HSD17B2: variants seen among roughly 807,000 people sequenced by gnomAD.
The protein encoded by HSD17B2 is hydroxysteroid 17-beta dehydrogenase 2.
In HSD17B2, 32 loss-of-function variants were observed where a neutral mutation model predicts 26.9. The observed-to-expected ratio is 1.19, with a 90% CI of 0.90 to 1.60. The LOEUF (loss-of-function observed/expected upper bound fraction) is 1.60. Ranked by LOEUF, HSD17B2 falls within the 40% of genes most tolerant of loss-of-function variation. The pLI, the probability that HSD17B2 is intolerant of heterozygous loss-of-function variation, is 0.00. For missense variants in HSD17B2, 613 were observed against 468.6 expected (o/e 1.31, Z -2.85); for synonymous variants, 246 against 186.7 (o/e 1.32, Z -2.59).
intron 1 of HSD17B2, among the ~76,000 whole-genome samples, chr16:82,060,158 A>T (rs528118258): frequency 9.2e-5 from 14 of 152,332 alleles, no homozygotes; most frequent in African/African-American, 2.9e-4. Flanking sequence ...CAATGTCAAC[A>T]TGAGGGTGGC....
At chr16:82,070,402 A>G (rs752925556) in intron 2 of HSD17B2, among the ~76,000 whole-genome samples, 20 of 152,268 alleles carry the variant, frequency 1.3e-4, no homozygotes, top group Non-Finnish European at 1.9e-4. Flanking sequence ...GGCTATCCCA[A>G]TGCCCTCCTT....
chr16:82,046,325 G>A (rs569366083), intron 1 of HSD17B2, among the ~76,000 whole-genome samples: 2 of 152,114 alleles, frequency 1.3e-5, no homozygotes, highest in Non-Finnish European at 2.9e-5. Context: ...GTGCTGTTGA[G>A]AGCCACCTTG....
chr16:82,044,716 A>T (rs1270962611), intron 1 of HSD17B2: 2 of 152,360 alleles, frequency 1.3e-5, no homozygotes, highest in Non-Finnish European at 2.9e-5. Context: ...GGAGGAGGGT[A>T]GAGGAGCCAG....
intron 3 of HSD17B2, among the ~76,000 whole-genome samples, chr16:82,086,411 A>C (rs977640671): frequency 2.0e-5 from 3 of 152,198 alleles, no homozygotes; most frequent in African/African-American, 7.2e-5. Flanking sequence ...TGTAAGCTTC[A>C]GAATGGTAAC....
chr16:82,035,721 G>C (rs762822314), intron 1 of HSD17B2, 32 bp downstream of exon 1: 1 of 1,600,724 alleles, frequency 6.2e-7, no homozygotes, highest in South Asian at 1.1e-5. Flanking sequence ...TTTCACTGAG[G>C]GTATGATCTG....
At chr16:82,091,599 T>C (rs1326695865) in intron 4 of HSD17B2, 1 of 158,396 alleles carries the variant, frequency 6.3e-6, no homozygotes, top group Non-Finnish European at 1.4e-5. Context: ...AGTAAAATTT[T>C]CTGGCAAGGT....
At chr16:82,054,333 C>T (rs1247510819) in intron 1 of HSD17B2, among the ~76,000 whole-genome samples, 1 of 152,010 alleles carries the variant, frequency 6.6e-6, no homozygotes, top group East Asian at 1.9e-4. Flanking sequence ...TAGACTGCCC[C>T]ATTCTTTTTA....
At chr16:82,085,557 T>C (rs927564683) in intron 3 of HSD17B2, among the ~76,000 whole-genome samples, 2 of 152,008 alleles carry the variant, frequency 1.3e-5, no homozygotes, top group African/African-American at 4.8e-5. Context: ...AGCAAGAACA[T>C]GTCAGACAAG....
At chr16:82,046,910 G>T (rs1913947707) in intron 1 of HSD17B2, among the ~76,000 whole-genome samples, 2 of 152,176 alleles carry the variant, frequency 1.3e-5, no homozygotes, top group Admixed American at 6.5e-5. Context: ...AGGTCTTTTA[G>T]CTCAAGAAGA....
intron 3 of HSD17B2, among the ~76,000 whole-genome samples, chr16:82,082,013 C>T (rs1904394775): frequency 6.6e-6 from 1 of 152,198 alleles, no homozygotes; most frequent in South Asian, 2.1e-4. Context: ...CCAAATACCA[C>T]ATGTCCTCAC....
chr16:82,098,512 T>A lies in HSD17B2; in HGVS notation c.*76T>A, dbSNP rs1346949343. 2.8e-6 allele frequency: 4 copies of A among 1,450,250 alleles called. No individual in the cohort carries two copies. The highest frequency in any genetic ancestry group is 2.8e-6 in the Non-Finnish European group (3 of 1,082,798). The allele number at this position is 1,450,250 out of a possible 1,614,324, so 89.8% of individuals were successfully genotyped here. On this transcript the variant is annotated 3_prime_UTR_variant, in exon 5 of 5. Coordinates refer to ENST00000199936, the MANE Select transcript of HSD17B2 (RefSeq NM_002153.3). The stretch of plus-strand genomic sequence containing the variant: ...GGAAACTGGGAAACTGGGTTTCTCA[T>A]TAAAGTTGTTTCCCACTCTGTATTC...
intron 3 of HSD17B2, among the ~76,000 whole-genome samples, chr16:82,073,627 T>A (rs1914748330): frequency 6.6e-6 from 1 of 152,038 alleles, no homozygotes; most frequent in Admixed American, 6.6e-5. Context: ...CCAGAATGCC[T>A]AGGAATACAG....
intron 3 of HSD17B2, among the ~76,000 whole-genome samples, chr16:82,084,097 G>C (rs1379198899): frequency 6.6e-6 from 1 of 152,088 alleles, no homozygotes; most frequent in African/African-American, 2.4e-5. Flanking sequence ...TGTCATTGTG[G>C]CTTAAATCTT....
intron 1 of HSD17B2, among the ~76,000 whole-genome samples, chr16:82,040,944 A>G (rs1236092753): frequency 1.3e-5 from 2 of 152,244 alleles, no homozygotes; most frequent in East Asian, 1.9e-4. Context: ...TGAGTCTATA[A>G]TTCAGTCTAC....
chr16:82,067,038 A>G (rs1386537054), intron 1 of HSD17B2, among the ~76,000 whole-genome samples: 1 of 152,238 alleles, frequency 6.6e-6, no homozygotes, highest in Non-Finnish European at 1.5e-5. Flanking sequence ...AGTCCTGCAC[A>G]TGTTTATCAA....
chr16:82,096,652 T>C (rs1337089595), intron 4 of HSD17B2: 1 of 152,082 alleles, frequency 6.6e-6, no homozygotes, highest in African/African-American at 2.4e-5. Flanking sequence ...TTACATGATA[T>C]ATTATATATG....
intron 3 of HSD17B2, chr16:82,090,208 G>T (rs1360796928): frequency 4.1e-6 from 4 of 974,280 alleles, no homozygotes; most frequent in Non-Finnish European, 4.8e-6. Flanking sequence ...CCCACAAAAA[G>T]ATATGTTTAC....
Position 82,045,310 on chromosome 16 carries a change from C to A in HSD17B2, c.265+9621C>A, listed in dbSNP as rs547192462. 6.6e-5 allele frequency among the ~76,000 whole-genome samples: 10 copies of A among 152,026 alleles called. No individual in the cohort carries two copies. In the South Asian group the frequency reaches 1.9e-3, roughly 28 times the overall value. Reference sequence around the variant, plus strand: ...GAGCCCCCCATCCATCTTAAGCTTCCCTCTTAAGATATACAGTATCTAAAT... The same window carrying A: ...GAGCCCCCCATCCATCTTAAGCTTCACTCTTAAGATATACAGTATCTAAAT... On this transcript the variant is annotated intron_variant, in intron 1 of 4. Coordinates refer to ENST00000199936, the MANE Select transcript of HSD17B2 (RefSeq NM_002153.3).
At chr16:82,041,675 C>A (rs1238209277) in intron 1 of HSD17B2, among the ~76,000 whole-genome samples, 5 of 152,250 alleles carry the variant, frequency 3.3e-5, no homozygotes. Flanking sequence ...GTTAGCCTTG[C>A]AGGAACTGCA....
Sources: allele counts gnomAD v4.1 joint callset (sites outside exome capture counted in the v4.1 genomes callset), GRCh38; gene constraint gnomAD v4.1.1; transcripts MANE v1.5; gene names NCBI Gene and HGNC (gene_info 2026-07-23, HGNC 2026-07-21).